Variants in OR7G2 observed in about 807,000 individuals in gnomAD.
OR7G2 encodes olfactory receptor family 7 subfamily G member 2.
For missense variants in OR7G2, 362 were observed against 384.0 expected (o/e 0.94, Z 0.48); for synonymous variants, 153 against 152.2 (o/e 1.01, Z -0.04).
rs1399336908 is a variant in OR7G2, at chr19:9,101,405, T to A, written c.*864A>T. On this transcript the variant is annotated 3_prime_UTR_variant, in exon 2 of 2. Coordinates refer to ENST00000641081, the MANE Select transcript of OR7G2 (RefSeq NM_001005193.2). ...ACAACTTTTCTTCTTCTGAGACTAA[T>A]CCATTAAAAAAAAATCACTTAGCCA... is the stretch of plus-strand genomic sequence containing the variant. 1 of 151,956 alleles carries A rather than the reference T, an allele frequency of 6.6e-6. No individual in the cohort carries two copies. The highest frequency in any genetic ancestry group is 1.5e-5 in the Non-Finnish European group (1 of 68,020). 9.4% of individuals were successfully genotyped at this position (151,956 alleles called of 1,614,324 possible).
In OR7G2 at chr19:9,103,091, A is replaced by T. The variant is rs2145910980; in HGVS notation, c.153T>A (p.Ser51=). 2 of 1,614,156 alleles carry T rather than the reference A, an allele frequency of 1.2e-6. No individual in the cohort carries two copies. The highest frequency in any genetic ancestry group is 1.7e-6 in the Non-Finnish European group (2 of 1,180,018). The change falls in exon 2 of 2, where the codon TCT becomes TCA. Residue 51 remains serine (S), a synonymous_variant. Coordinates refer to ENST00000641081, the MANE Select transcript of OR7G2 (RefSeq NM_001005193.2). The stretch of plus-strand genomic sequence containing the variant: ...ACATGGGGGTGTGGAGGTGAGAGTC[A>T]GAGATGACAGCCAAGAGGATGAGCA... ...GNLLILLAVI[S]DSHLHTPMYF...
At position 9,102,570 on chromosome 19, in the gene OR7G2, A is replaced by G. The variant is rs140942340; in HGVS notation, c.674T>C (p.Val225Ala). ...ILSYTQITSC[V>A]LRMPSASGKH... ...TCCACTTGCTGATGGCATTCTCAAA[A>G]CACAGGAGGTGATCTGAGTGTAAGA... The change falls in exon 2 of 2, where the codon GTT (valine) becomes GCT (alanine). Residue 225 changes from valine to alanine, a missense_variant. Physicochemically the swap from Val to Ala is moderately conservative, Grantham distance 64 (BLOSUM62 0). Transcript: ENST00000641081. The G allele has an allele frequency of 7.7e-5, 124 of 1,614,060 alleles. No homozygotes were observed. Among genetic ancestry groups the G allele is most frequent in the South Asian group, 3.8e-4 (35 of 91,080 alleles).
intron 1 of OR7G2, among the ~76,000 whole-genome samples, chr19:9,103,710 C>G (rs1026262462): frequency 2.1e-5 from 3 of 143,074 alleles, no homozygotes; most frequent in Admixed American, 7.3e-5. Flanking sequence ...GTAGAGACGG[C>G]GGGGGTGGGG....
In OR7G2 at chr19:9,102,693, A is replaced by C. The variant is rs2050361606; in HGVS notation, c.551T>G (p.Val184Gly). 2.5e-6 allele frequency: 4 copies of C among 1,614,068 alleles called. No individual in the cohort carries two copies. Among genetic ancestry groups the C allele is most frequent in the Admixed American group, 1.7e-5 (1 of 59,978 alleles). The change falls in exon 2 of 2, where the codon GTC (valine) becomes GGC (glycine). Residue 184 changes from valine (V) to glycine (G), a missense_variant. Val to Gly is a moderately radical substitution (Grantham distance 109). Transcript: ENST00000641081. ...GGTGTCTGAACAGGTGAGTTGGATG[A>C]CCTGAGCCAGTTCACAGAAGAAGAG... ...IPLFFCELAQ[V>G]IQLTCSDTLI... is the part of the protein sequence containing the mutation.
intron 1 of OR7G2, among the ~76,000 whole-genome samples, chr19:9,104,374 A>G (rs2145911793): frequency 6.6e-6 from 1 of 152,204 alleles, no homozygotes; most frequent in East Asian, 1.9e-4. Context: ...AATATTACCT[A>G]TTTGTCATCT....
chr19:9,102,766 T>G lies in OR7G2; in HGVS notation c.478A>C (p.Ser160Arg). Reference sequence around the variant, plus strand: ...AAGGACAGCCTCAACACCATCAGGCTGAGAAGAAGGGCATTCACAACACTA... The same window carrying G: ...AAGGACAGCCTCAACACCATCAGGCGGAGAAGAAGGGCATTCACAACACTA... ...LTSVVNALLL[S>R]LMVLRLSFCT... The change falls in exon 2 of 2, where the codon AGC becomes CGC. Residue 160 changes from serine to arginine, a missense_variant. By Grantham distance (110) the Ser-to-Arg change is moderately radical. Transcript: ENST00000641081. 3.1e-6 allele frequency: 5 copies of G among 1,614,054 alleles called. No homozygotes were observed. The highest frequency in any genetic ancestry group is 4.2e-6 in the Non-Finnish European group (5 of 1,180,008).
At chr19:9,105,112 A>T (rs2050378924) in intron 1 of OR7G2, among the ~76,000 whole-genome samples, 1 of 151,784 alleles carries the variant, frequency 6.6e-6, no homozygotes, top group South Asian at 2.1e-4. Flanking sequence ...CTGGGATTAC[A>T]GGCGCCAGCC....
intron 1 of OR7G2, among the ~76,000 whole-genome samples, chr19:9,106,263 C>CA (rs59724846): frequency 0.29 from 44,007 of 150,498 alleles, 7,128 homozygotes; most frequent in East Asian, 0.59. Context: ...ACTACAAATA[C>CA]AAAAAAATTA....
chr19:9,105,264 G>A (rs1015610249), intron 1 of OR7G2, among the ~76,000 whole-genome samples: 4 of 151,852 alleles, frequency 2.6e-5, no homozygotes, highest in Non-Finnish European at 5.9e-5. Flanking sequence ...CACTGCGCCT[G>A]GCCTCTCCAT....
intron 1 of OR7G2, among the ~76,000 whole-genome samples, chr19:9,104,005 G>A (rs2050371428): frequency 6.6e-6 from 1 of 151,482 alleles, no homozygotes; most frequent in Non-Finnish European, 1.5e-5. Context: ...AAGTAGCTAG[G>A]GTTACAGGTG....
chr19:9,100,487 G>A lies in OR7G2; in HGVS notation c.*1782C>T, dbSNP rs940597006. The stretch of plus-strand genomic sequence containing the variant: ...GACCTCAAGTGATCCACCCACCTTG[G>A]CCTCCCAAAGTGCTGGGATTACAGG... On this transcript the variant is annotated 3_prime_UTR_variant, in exon 2 of 2. Coordinates refer to ENST00000641081, the MANE Select transcript of OR7G2 (RefSeq NM_001005193.2). 2.0e-5 allele frequency: 3 copies of A among 152,210 alleles called. No homozygotes were observed. The highest frequency in any genetic ancestry group is 7.2e-5 in the African/African-American group (3 of 41,440). The allele number at this position is 152,210 out of a possible 1,614,324, so 9.4% of individuals were successfully genotyped here.
intron 1 of OR7G2, among the ~76,000 whole-genome samples, chr19:9,103,485 CA>C (rs1172297124): frequency 1.4e-5 from 2 of 141,462 alleles, no homozygotes; most frequent in South Asian, 4.6e-4. Flanking sequence ...TTTTCTTAAT[CA>C]AAAAATGTGG....
chr19:9,102,243 C>A lies in OR7G2; in HGVS notation c.*26G>T, dbSNP rs749377545. The stretch of plus-strand genomic sequence containing the variant: ...CAAAACAAAGAGTCAGGCATTCTAG[C>A]TCACCAGGAATCCTGTCACTTTGAC... On this transcript the variant is annotated 3_prime_UTR_variant, in exon 2 of 2. Coordinates refer to ENST00000641081, the MANE Select transcript of OR7G2 (RefSeq NM_001005193.2). The A allele has an allele frequency of 2.6e-6, 4 of 1,557,230 alleles. No homozygotes were observed. In the African/African-American group the frequency reaches 4.1e-5, roughly 16 times the overall value.
In OR7G2 at chr19:9,103,236, G is replaced by C. The variant is rs774829037; in HGVS notation, c.8C>G (p.Ala3Gly). 1 of 1,613,924 alleles carries C rather than the reference G, an allele frequency of 6.2e-7. No individual in the cohort carries two copies. The highest frequency in any genetic ancestry group is 1.1e-5 in the South Asian group (1 of 91,066). ...TTTTGAAATAGCTGTTTGGTTTCTC[G>C]CTTCCATGCTGTTGATGATGAATCT... Reference protein sequence around the residue: MEARNQTAISKFL... With the variant: MEGRNQTAISKFL... Residue 3 changes from alanine to glycine, a missense_variant, in exon 2 of 2, where the codon GCG (alanine) becomes GGG (glycine). By Grantham distance (60) the Ala-to-Gly change is moderately conservative (BLOSUM62 0). Transcript: ENST00000641081.
intron 1 of OR7G2, among the ~76,000 whole-genome samples, chr19:9,105,057 G>C (rs992314811): frequency 6.6e-6 from 1 of 151,000 alleles, no homozygotes; most frequent in African/African-American, 2.4e-5. Flanking sequence ...TGCAACCTCC[G>C]CCTCCCGGGT....
At position 9,102,502 on chromosome 19, in the gene OR7G2, C is replaced by CAATG. The variant is rs747461995; in HGVS notation, c.738_741dup (p.Val248HisfsTer15). The CAATG allele has an allele frequency of 1.9e-6, 3 of 1,614,116 alleles. No individual in the cohort carries two copies. Among genetic ancestry groups the CAATG allele is most frequent in the Non-Finnish European group, 2.5e-6 (3 of 1,179,994 alleles). On this transcript the variant is annotated frameshift_variant, in exon 2 of 2. Coordinates refer to ENST00000641081, the MANE Select transcript of OR7G2 (RefSeq NM_001005193.2). LOFTEE classifies it low-confidence loss of function (END_TRUNC). ...AAACCTGCCCCATAGAACAAGAGAA[C>CAATG]AATGGAGAGGTGAGACCCACAGGTG...
chr19:9,100,989 T>G lies in OR7G2; in HGVS notation c.*1280A>C, dbSNP rs1182971711. On this transcript the variant is annotated 3_prime_UTR_variant, in exon 2 of 2. Transcript: ENST00000641081. ...TCCATCTCTACACCACACCCCACAC[T>G]GGACGTGGTGGTGCATGCCTGGAGT... 1 of 152,092 alleles carries G rather than the reference T, an allele frequency of 6.6e-6. No individual in the cohort carries two copies. Among genetic ancestry groups the G allele is most frequent in the African/African-American group, 2.4e-5 (1 of 41,402 alleles). 9.4% of individuals were successfully genotyped at this position (152,092 alleles called of 1,614,324 possible).
rs1451682628 is a variant in OR7G2 at position 9,102,419 on chromosome 19, T to A, written c.825A>T (p.Ser275=). Residue 275 remains serine (S), a synonymous_variant, in exon 2 of 2, where the codon TCA becomes TCT. Transcript: ENST00000641081. ...TDSPRKTAVA[S]VMYSVFPQMV... ...TTTGAGGGAACACAGAATACATCAC[T>A]GAAGCCACTGCAGTCTTCCTAGGTG... 1 of 1,614,012 alleles carries A rather than the reference T, an allele frequency of 6.2e-7. No individual in the cohort carries two copies. Among genetic ancestry groups the A allele is most frequent in the Admixed American group, 1.7e-5 (1 of 60,014 alleles).
chr19:9,103,914 GGCTGGAGT>G (rs2050371061), intron 1 of OR7G2, among the ~76,000 whole-genome samples: 1 of 148,002 alleles, frequency 6.8e-6, no homozygotes, highest in Admixed American at 6.8e-5. Flanking sequence ...CTGTCGCCCA[GGCTGGAGT>G]GCAGTGGTGT....
Sources: gnomAD v4.1 joint callset for allele counts (sites outside exome capture counted in the v4.1 genomes callset) on GRCh38, gnomAD v4.1.1 for gene constraint, MANE v1.5 for transcripts, NCBI Gene and HGNC (gene_info 2026-07-23, HGNC 2026-07-21) for gene names.